TUSC3: variants seen among roughly 807,000 people sequenced by gnomAD.
TUSC3 encodes dolichyl-diphosphooligosaccharide--protein glycosyltransferase subunit TUSC3.
A neutral mutation model predicts 44.8 loss-of-function variants in TUSC3; 45 were observed. That is an observed-to-expected ratio of 1.00 (90% CI 0.79 to 1.29). The LOEUF is 1.29. Ranked by LOEUF, TUSC3 falls within the 50% of genes most tolerant of loss-of-function variation. The pLI, the probability that TUSC3 is intolerant of heterozygous loss-of-function variation, is 0.00. For missense variants in TUSC3, 519 were observed against 437.9 expected (o/e 1.19, Z -1.65); for synonymous variants, 212 against 152.9 (o/e 1.39, Z -2.85).
chr8:15,720,231 CACAG>C (rs766352096), intron 6 of TUSC3, among the ~76,000 whole-genome samples: 4,959 of 146,800 alleles, frequency 0.034, 198 homozygotes, highest in African/African-American at 0.11. Flanking sequence ...CACACACACA[CACAG>C]AGAGAACATT....
At chr8:15,723,928 T>A (rs559066490) in intron 6 of TUSC3, among the ~76,000 whole-genome samples, 1 of 152,244 alleles carries the variant, frequency 6.6e-6, no homozygotes, top group Non-Finnish European at 1.5e-5. Flanking sequence ...TCACTTAGAA[T>A]TACTGAGAGG....
intron 6 of TUSC3, among the ~76,000 whole-genome samples, chr8:15,710,010 C>A (rs1018534213): frequency 2.0e-5 from 3 of 151,938 alleles, no homozygotes; most frequent in African/African-American, 4.8e-5. Flanking sequence ...ATTCCAGGAT[C>A]CCTCCAAATG....
chr8:15,623,339 A>AT (rs1805336690), intron 2 of TUSC3, 90 bp downstream of exon 2: 1 of 1,297,470 alleles, frequency 7.7e-7, no homozygotes, highest in Admixed American at 3.0e-5. Flanking sequence ...TATATGTAAG[A>AT]TAAACAGTTG....
chr8:15,469,671 T>TA (rs2129122830), intron 1 of TUSC3, among the ~76,000 whole-genome samples: 1 of 152,344 alleles, frequency 6.6e-6, no homozygotes, highest in East Asian at 1.9e-4. Flanking sequence ...ATTGAAAACT[T>TA]ACGTCCATAG....
At chr8:15,519,018 C>T (rs919925030) in intron 2 of TUSC3, among the ~76,000 whole-genome samples, 1 of 152,136 alleles carries the variant, frequency 6.6e-6, no homozygotes, top group Admixed American at 6.6e-5. Context: ...ATAGCATCTG[C>T]TTATACAACA....
the TUSC3 span, among the ~76,000 whole-genome samples, chr8:15,837,988 T>G: frequency 0.12 from 18,305 of 152,214 alleles, 1,161 homozygotes; most frequent in East Asian, 0.25. Context: ...GGAACTGCAA[T>G]CATGACTTAC....
chr8:15,657,339 A>G (rs1389289461), intron 3 of TUSC3, among the ~76,000 whole-genome samples: 2 of 152,196 alleles, frequency 1.3e-5, no homozygotes, highest in Non-Finnish European at 2.9e-5. Context: ...TACTGCATCC[A>G]GAATGTTTTG....
chr8:15,512,251 C>T (rs1232507686), intron 2 of TUSC3, among the ~76,000 whole-genome samples: 2 of 152,152 alleles, frequency 1.3e-5, no homozygotes, highest in African/African-American at 2.4e-5. Context: ...AATTGGTGGA[C>T]TTTGAGTAAA....
intron 1 of TUSC3, among the ~76,000 whole-genome samples, chr8:15,549,181 A>G (rs1585090749): frequency 6.6e-6 from 1 of 151,684 alleles, no homozygotes; most frequent in East Asian, 2.0e-4. Context: ...TATTTATTTT[A>G]TTTTATTTTT....
chr8:15,502,627 A>T (rs1487892875), intron 2 of TUSC3, among the ~76,000 whole-genome samples: 1 of 152,134 alleles, frequency 6.6e-6, no homozygotes, highest in Non-Finnish European at 1.5e-5. Flanking sequence ...AGTAGCTGGG[A>T]CTACAGGAAC....
chr8:15,738,701 C>T (rs1002665104), intron 7 of TUSC3, among the ~76,000 whole-genome samples: 1 of 151,968 alleles, frequency 6.6e-6, no homozygotes, highest in Non-Finnish European at 1.5e-5. Context: ...ATCTTTCATT[C>T]CCTGCAATCA....
chr8:15,773,634 T>C, the TUSC3 span, among the ~76,000 whole-genome samples: 2 of 152,138 alleles, frequency 1.3e-5, no homozygotes, highest in African/African-American at 4.8e-5. Flanking sequence ...AAAGCATTTA[T>C]TGAAAAAGAA....
intron 6 of TUSC3, among the ~76,000 whole-genome samples, chr8:15,702,144 G>A (rs186511546): frequency 8.0e-4 from 121 of 152,094 alleles, no homozygotes; most frequent in African/African-American, 2.9e-3. Flanking sequence ...GGCCTGATGG[G>A]GCTTCCTTTT....
chr8:15,738,827 C>CTTTTTTTTTTTTTTTTTTTTTTTTT (rs375655033), intron 7 of TUSC3, among the ~76,000 whole-genome samples: 1 of 87,172 alleles, frequency 1.1e-5, no homozygotes, highest in Non-Finnish European at 2.1e-5. Flanking sequence ...ATATATCTTG[C>CTTTTTTTTTTTTTTTTTTTTTTTTT]TTTTTTTTTT....
chr8:15,502,074 A>G (rs558018672), intron 2 of TUSC3, among the ~76,000 whole-genome samples: 2 of 152,256 alleles, frequency 1.3e-5, no homozygotes, highest in Admixed American at 6.5e-5. Context: ...TGTTATCACC[A>G]TCTATCTATT....
intron 8 of TUSC3, among the ~76,000 whole-genome samples, chr8:15,744,403 GA>G (rs1178222540): frequency 2.0e-5 from 3 of 152,210 alleles, no homozygotes; most frequent in Admixed American, 2.0e-4. Context: ...GTCCCTATAT[GA>G]TTTGATATGT....
At chr8:15,419,053 C>A (rs530129200) in intron 1 of TUSC3, among the ~76,000 whole-genome samples, 1 of 152,148 alleles carries the variant, frequency 6.6e-6, no homozygotes, top group African/African-American at 2.4e-5. Flanking sequence ...ATCTTGCAGC[C>A]AAATTTCATG....
At chr8:15,507,822 A>G (rs1206960610) in intron 2 of TUSC3, among the ~76,000 whole-genome samples, 2 of 152,178 alleles carry the variant, frequency 1.3e-5, no homozygotes, top group African/African-American at 4.8e-5. Flanking sequence ...AATAAAAAAA[A>G]GGCAAAGTGA....
intron 6 of TUSC3, among the ~76,000 whole-genome samples, chr8:15,690,030 AT>A (rs1394606466): frequency 6.6e-6 from 1 of 152,146 alleles, no homozygotes; most frequent in East Asian, 1.9e-4. Flanking sequence ...TGTATACACA[AT>A]AATGGGATGG....
Sources: allele counts gnomAD v4.1 joint callset (sites outside exome capture counted in the v4.1 genomes callset), GRCh38; gene constraint gnomAD v4.1.1; transcripts MANE v1.5; gene names NCBI Gene and HGNC (gene_info 2026-07-23, HGNC 2026-07-21).